Variants in OTULIN observed in about 807,000 individuals in gnomAD.
OTULIN encodes ubiquitin thioesterase otulin.
A neutral mutation model predicts 39.6 loss-of-function variants in OTULIN; 15 were observed. The observed-to-expected ratio is 0.38, with a 90% CI of 0.25 to 0.58. The LOEUF (loss-of-function observed/expected upper bound fraction) is 0.58. Among genes scored for constraint, OTULIN ranks in the 20% least tolerant of loss-of-function variants. OTULIN has a pLI of 0.66. For synonymous variants in OTULIN, 156 were observed against 170.3 expected (o/e 0.92, Z 0.65); for missense variants, 319 against 445.9 (o/e 0.72, Z 2.56).
chr5:14,716,479 G>C, the OTULIN span, among the ~76,000 whole-genome samples: 1 of 151,836 alleles, frequency 6.6e-6, no homozygotes, highest in African/African-American at 2.4e-5. Flanking sequence ...GTGACGGAAT[G>C]AAACTCTGTC....
At chr5:14,678,859 A>G in intron 3 of OTULIN, 84 bp downstream of exon 3, 2 of 867,306 alleles carry the variant, frequency 2.3e-6, no homozygotes, top group Non-Finnish European at 3.5e-6. Flanking sequence ...ATTTTTAGAC[A>G]TTAGTTAAAA....
At chr5:14,683,061 C>G (rs1169268737) in intron 4 of OTULIN, among the ~76,000 whole-genome samples, 2 of 152,166 alleles carry the variant, frequency 1.3e-5, no homozygotes, top group Non-Finnish European at 2.9e-5. Context: ...AGGATACTCC[C>G]CATCTGTTCC....
At chr5:14,688,426 A>T (rs975120219) in intron 5 of OTULIN, among the ~76,000 whole-genome samples, 1 of 152,202 alleles carries the variant, frequency 6.6e-6, no homozygotes, top group Admixed American at 6.5e-5. Context: ...CTGTACTCAC[A>T]CATGGTCTGC....
chr5:14,672,416 T>A (rs1484802306), intron 1 of OTULIN, among the ~76,000 whole-genome samples: 2 of 152,092 alleles, frequency 1.3e-5, no homozygotes, highest in African/African-American at 4.8e-5. Context: ...TCTTCCTCTT[T>A]CCCCCAGCTG....
chr5:14,690,451 G>GT lies in OTULIN; in HGVS notation c.864+144dup, dbSNP rs1736496643. ...CTCAGGATGTCATGAGGCTGCAGTT[G>GT]TATGTTCAGGGCTGCAGTCATCTGA... On this transcript the variant is annotated intron_variant, in intron 6 of 6. Coordinates refer to ENST00000284274, the MANE Select transcript of OTULIN (RefSeq NM_138348.6). This position sits in a 1 kb window ranked among gnomAD's most constrained non-coding sequence, Gnocchi z 4.5. 1 of 970,956 alleles carries GT rather than the reference G, an allele frequency of 1.0e-6. No homozygotes were observed. The highest frequency in any genetic ancestry group is 2.8e-5 in the Admixed American group (1 of 35,736). The allele number at this position is 970,956 out of a possible 1,614,324, so 60.1% of individuals were successfully genotyped here.
chr5:14,710,783 T>C, the OTULIN span: 1 of 220,116 alleles, frequency 4.5e-6, no homozygotes, highest in Non-Finnish European at 9.3e-6. Flanking sequence ...ACCTGTTGAT[T>C]CTTAAGAGCG....
chr5:14,692,208 G>A (rs949483279), intron 6 of OTULIN, among the ~76,000 whole-genome samples: 4 of 152,190 alleles, frequency 2.6e-5, no homozygotes, highest in African/African-American at 7.2e-5. Context: ...TCAGTGTCCT[G>A]TTTCACCATA....
chr5:14,682,266 G>T (rs1233361349), intron 4 of OTULIN, among the ~76,000 whole-genome samples: 1 of 152,206 alleles, frequency 6.6e-6, no homozygotes, highest in Non-Finnish European at 1.5e-5. Flanking sequence ...GTCAGAGACA[G>T]CAATATACCC....
At position 14,698,592 on chromosome 5, in the gene OTULIN, A is replaced by G. The variant is rs1736732343; in HGVS notation, c.*5544A>G. ...AAAACAAATAACTAAAAATAAACTT[A>G]GAAAATACAACTCAGAAGCCTGGCT... On this transcript the variant is annotated 3_prime_UTR_variant, in exon 7 of 7. Coordinates refer to ENST00000284274, the MANE Select transcript of OTULIN (RefSeq NM_138348.6). The G allele has an allele frequency of 6.6e-6, 1 of 152,272 alleles. No individual in the cohort carries two copies. The highest frequency in any genetic ancestry group is 1.5e-5 in the Non-Finnish European group (1 of 68,050). The allele number at this position is 152,272 out of a possible 1,614,324, so 9.4% of individuals were successfully genotyped here.
chr5:14,669,354 A>G (rs1365755350), intron 1 of OTULIN, among the ~76,000 whole-genome samples: 1 of 148,662 alleles, frequency 6.7e-6, no homozygotes, highest in Non-Finnish European at 1.5e-5. Context: ...AATAAGAGCG[A>G]AACTCCGTCT....
At chr5:14,686,560 C>A (rs1736392879) in intron 4 of OTULIN, among the ~76,000 whole-genome samples, 3 of 152,094 alleles carry the variant, frequency 2.0e-5, no homozygotes, top group Admixed American at 1.3e-4. Flanking sequence ...AGGTCAGGTT[C>A]CTCATAGGAT....
the OTULIN span, chr5:14,709,683 G>A: frequency 6.6e-6 from 1 of 152,502 alleles, no homozygotes; most frequent in African/African-American, 2.4e-5. Flanking sequence ...ATGAAAAATA[G>A]TTCTGTCATT....
At chr5:14,677,485 G>A (rs116699240) in intron 2 of OTULIN, among the ~76,000 whole-genome samples, 2,371 of 152,284 alleles carry the variant, frequency 0.016, 33 homozygotes, top group Non-Finnish European at 0.026. Flanking sequence ...AGGAAGTCAA[G>A]ATGTGCCTGA....
At chr5:14,711,958 G>A in the OTULIN span, among the ~76,000 whole-genome samples, 1 of 152,166 alleles carries the variant, frequency 6.6e-6, no homozygotes, top group African/African-American at 2.4e-5. Context: ...AACCCCGCTG[G>A]TCCCCCATCC....
At chr5:14,681,118 G>A (rs28004) in intron 3 of OTULIN, among the ~76,000 whole-genome samples, 143,300 of 152,282 alleles carry the variant, frequency 0.94, 67,532 homozygotes, top group Middle Eastern at 0.98. Flanking sequence ...ACTTTTATGT[G>A]TACATGCACA....
chr5:14,711,317 C>A, the OTULIN span: 1 of 1,610,596 alleles, frequency 6.2e-7, no homozygotes, highest in Admixed American at 1.7e-5. Context: ...TTTTCTAGAC[C>A]AAAGAAGACT....
intron 4 of OTULIN, among the ~76,000 whole-genome samples, chr5:14,682,157 A>G (rs1278379093): frequency 6.6e-6 from 1 of 152,224 alleles, no homozygotes; most frequent in Non-Finnish European, 1.5e-5. Context: ...GCAGACATGC[A>G]CTGGAAAGTC....
At chr5:14,683,636 G>A (rs1206200566) in intron 4 of OTULIN, among the ~76,000 whole-genome samples, 1 of 152,152 alleles carries the variant, frequency 6.6e-6, no homozygotes, top group Admixed American at 6.5e-5. Context: ...GGCAACTGTG[G>A]CTATATTATA....
intron 5 of OTULIN, among the ~76,000 whole-genome samples, chr5:14,689,189 G>A (rs1736461591): frequency 6.6e-6 from 1 of 152,198 alleles, no homozygotes; most frequent in Non-Finnish European, 1.5e-5. Flanking sequence ...TTAGAGCCAT[G>A]TCCATGATTG....
Sources: gnomAD v4.1 joint callset for allele counts (sites outside exome capture counted in the v4.1 genomes callset) on GRCh38, gnomAD v4.1.1 for gene constraint, Gnocchi (gnomAD v3.1) non-coding constraint, MANE v1.5 for transcripts, NCBI Gene and HGNC (gene_info 2026-07-23, HGNC 2026-07-21) for gene names.